The following ITGAE variants were observed in gnomAD, a reference collection of about 807,000 sequenced individuals.
ITGAE encodes integrin alpha-E.
In ITGAE, 99 loss-of-function variants were observed where a neutral mutation model predicts 136.5. The ratio of observed to expected loss-of-function variants is 0.73; its 90% confidence interval spans 0.62 to 0.86. ITGAE has a LOEUF of 0.86. Among genes scored for constraint, ITGAE ranks in the 40% least tolerant of loss-of-function variants. The probability of loss-of-function intolerance (pLI) is 0.00; values close to 1 mark genes in which losing one functional copy is unlikely to be tolerated. For synonymous variants in ITGAE, 613 were observed against 591.8 expected, an observed-to-expected ratio of 1.04 and a Z score of -0.52; for missense variants, 1,447 against 1,515.3, an observed-to-expected ratio of 0.95 and a Z score of 0.75.
At position 3,753,771 on chromosome 17, in the gene ITGAE, C is replaced by T. The variant is rs2051930325; in HGVS notation, c.1527+12G>A. The T allele has an allele frequency of 1.2e-6, 2 of 1,613,858 alleles. No homozygotes were observed. Among genetic ancestry groups the T allele is most frequent in the Non-Finnish European group, 8.5e-7 (1 of 1,179,984 alleles). ...TCGGTCATAAGGGGTGGAGGCTTTCCCCAGCAGGTACCTGCTCTCCCTCCA... is the reference window on the plus strand; with the variant it reads ...TCGGTCATAAGGGGTGGAGGCTTTCTCCAGCAGGTACCTGCTCTCCCTCCA... On this transcript the variant is annotated intron_variant, in intron 13 of 30. Transcript: ENST00000263087.
chr17:3,727,470 G>C (rs2051240583), intron 26 of ITGAE, among the ~76,000 whole-genome samples: 1 of 151,678 alleles, frequency 6.6e-6, no homozygotes, highest in Non-Finnish European at 1.5e-5. Context: ...CAGGATCTCG[G>C]CTCACTGCAA....
intron 14 of ITGAE, among the ~76,000 whole-genome samples, chr17:3,752,750 C>T (rs914399898): frequency 4.3e-5 from 6 of 138,778 alleles, no homozygotes; most frequent in African/African-American, 1.7e-4. Context: ...GACTCAGTCT[C>T]GGAAAAAAAA....
chr17:3,716,219 C>T (rs1327710454), intron 30 of ITGAE, among the ~76,000 whole-genome samples: 1 of 105,604 alleles, frequency 9.5e-6, no homozygotes, highest in African/African-American at 4.3e-5. Context: ...AGACGGGTAG[C>T]GGACAGAGAG....
Position 3,732,394 on chromosome 17 carries a change from C to A in ITGAE, c.2728G>T (p.Gly910Cys), listed in dbSNP as rs1355814875. The part of the protein sequence containing the change: ...ASVLIMNCRI[G>C]HPVLKRSSAH... ...GATGACCTCTTGAGGACGGGGTGAC[C>A]AATCCTGCAGTTCATGATCAGGACA... Residue 910 changes from glycine (G) to cysteine (C), a missense_variant, in exon 22 of 31, where the codon GGT becomes TGT. By Grantham distance (159) the Gly-to-Cys change is radical (BLOSUM62 -3). Transcript: ENST00000263087. 1 of 1,614,104 alleles carries A rather than the reference C, an allele frequency of 6.2e-7. No homozygotes were observed. Among genetic ancestry groups the A allele is most frequent in the South Asian group, 1.1e-5 (1 of 91,086 alleles).
intron 12 of ITGAE, 109 bp from the exon 13 acceptor site, chr17:3,754,034 G>T (rs1439706875): frequency 2.4e-6 from 3 of 1,254,580 alleles, no homozygotes; most frequent in Non-Finnish European, 3.3e-6. Context: ...GGGGAGGGGG[G>T]CAAAATAGGA....
rs1398707636 is a variant in ITGAE, at chr17:3,728,368, C to CCTT, written c.2913-201_2913-200insAAG. On this transcript the variant is annotated intron_variant, in intron 24 of 30. Coordinates refer to ENST00000263087, the MANE Select transcript of ITGAE (RefSeq NM_002208.5). ...CAGGCATGAGCCACTACACTCATCC[C>CCTT]TTTTTTTTTTTTTTTTTTTTTTTGA... The CCTT allele has an allele frequency of 2.1e-5, 4 of 191,634 alleles. No individual in the cohort carries two copies. In the East Asian group the frequency reaches 4.4e-4, roughly 21 times the overall value. 11.9% of individuals were successfully genotyped at this position (191,634 alleles called of 1,614,324 possible). A position where few individuals can be genotyped will look rare whatever the true frequency, so the allele number is the denominator to read the frequency against.
At chr17:3,742,074 T>C (rs776714061) in intron 19 of ITGAE, among the ~76,000 whole-genome samples, 1 of 152,152 alleles carries the variant, frequency 6.6e-6, no homozygotes, top group Non-Finnish European at 1.5e-5. Context: ...CGAAACTCTG[T>C]CTCAAAAACA....
At chr17:3,746,481 A>G (rs1236807680) in intron 17 of ITGAE, among the ~76,000 whole-genome samples, 3 of 149,352 alleles carry the variant, frequency 2.0e-5, no homozygotes, top group Non-Finnish European at 4.4e-5. Flanking sequence ...CCTTTGAGAC[A>G]GAGTCTCGCT....
At chr17:3,776,404 C>A (rs551311274) in intron 2 of ITGAE, among the ~76,000 whole-genome samples, 1 of 152,062 alleles carries the variant, frequency 6.6e-6, no homozygotes, top group Non-Finnish European at 1.5e-5. Flanking sequence ...ATAGTCTTTG[C>A]GACAATCCTG....
intron 2 of ITGAE, among the ~76,000 whole-genome samples, chr17:3,770,471 C>T (rs977375208): frequency 3.3e-5 from 5 of 152,120 alleles, no homozygotes; most frequent in Non-Finnish European, 7.4e-5. Context: ...CCCACCCATA[C>T]CTTCTGTGGC....
chr17:3,725,020 T>C, intron 26 of ITGAE: 1 of 1,614,186 alleles, frequency 6.2e-7, no homozygotes, highest in Non-Finnish European at 8.5e-7. Flanking sequence ...GGCCAAAAGC[T>C]GGGAAAAGAT....
At chr17:3,716,869 TA>T in intron 29 of ITGAE, 71 bp from the exon 30 acceptor site, 1 of 871,658 alleles carries the variant, frequency 1.1e-6, no homozygotes, top group Non-Finnish European at 1.9e-6. Context: ...CATGTTATTT[TA>T]AGGAGCAAAA....
At chr17:3,741,409 C>T (rs2051586774) in intron 19 of ITGAE, among the ~76,000 whole-genome samples, 1 of 151,962 alleles carries the variant, frequency 6.6e-6, no homozygotes, top group East Asian at 1.9e-4. Flanking sequence ...TTTAATATAG[C>T]CACATAGCCT....
At chr17:3,741,138 C>T (rs1214595775) in intron 19 of ITGAE, among the ~76,000 whole-genome samples, 1 of 129,900 alleles carries the variant, frequency 7.7e-6, no homozygotes, top group African/African-American at 2.9e-5. Flanking sequence ...AGTGCAGTGG[C>T]GCAATCTCCG....
chr17:3,740,195 C>A (rs1165932272), intron 19 of ITGAE, among the ~76,000 whole-genome samples: 2 of 152,200 alleles, frequency 1.3e-5, no homozygotes, highest in Non-Finnish European at 2.9e-5. Context: ...AATTCAGCAG[C>A]AACACACAGC....
At chr17:3,783,595 TAA>T (rs2052713363) in intron 1 of ITGAE, among the ~76,000 whole-genome samples, 1 of 152,370 alleles carries the variant, frequency 6.6e-6, no homozygotes, top group African/African-American at 2.4e-5. Context: ...TTCCTAACAG[TAA>T]AAGTCATTTG....
At chr17:3,739,404 TC>T in intron 20 of ITGAE, among the ~76,000 whole-genome samples, 1 of 152,242 alleles carries the variant, frequency 6.6e-6, no homozygotes, top group South Asian at 2.1e-4. Context: ...AAGTAGATGG[TC>T]CAGAAATATT....
Position 3,756,196 on chromosome 17 carries a change from C to T in ITGAE, c.1172-299G>A, listed in dbSNP as rs1367648498. ...TCAGAGCTTCATGGAGATTCTGGGACGCAAGGAGGCCTGGGGATATTGTTG... is the reference window on the plus strand; with the variant it reads ...TCAGAGCTTCATGGAGATTCTGGGATGCAAGGAGGCCTGGGGATATTGTTG... On this transcript the variant is annotated intron_variant, in intron 10 of 30. Transcript: ENST00000263087. Among the ~76,000 whole-genome samples, 6 of 145,662 alleles carry T rather than the reference C, an allele frequency of 4.1e-5. No homozygotes were observed. The East Asian group carries it at 7.9e-4, about 19-fold the overall frequency.
At chr17:3,749,569 C>T (rs1014524878) in intron 16 of ITGAE, among the ~76,000 whole-genome samples, 7 of 151,998 alleles carry the variant, frequency 4.6e-5, no homozygotes, top group African/African-American at 1.4e-4. Flanking sequence ...TGTTTTTAGA[C>T]GTGTTCACTT....
Sources: gnomAD v4.1 joint callset for allele counts (sites outside exome capture counted in the v4.1 genomes callset) on GRCh38, gnomAD v4.1.1 for gene constraint, MANE v1.5 for transcripts, NCBI Gene and HGNC (gene_info 2026-07-23, HGNC 2026-07-21) for gene names.